Variants in DRC8 observed in about 807,000 individuals in gnomAD.
The protein encoded by DRC8 is dynein regulatory complex subunit 8.
chr1:245,112,349 CA>C, the DRC8 span, among the ~76,000 whole-genome samples: 7 of 152,340 alleles, frequency 4.6e-5, no homozygotes, highest in African/African-American at 1.4e-4. Flanking sequence ...GCTGGGATTA[CA>C]GGTGTGAGCT....
chr1:244,991,901 A>G, the DRC8 span, among the ~76,000 whole-genome samples: 1 of 152,194 alleles, frequency 6.6e-6, no homozygotes, highest in Non-Finnish European at 1.5e-5. Flanking sequence ...AGCTGTTACA[A>G]TTGACTGTCT....
the DRC8 span, among the ~76,000 whole-genome samples, chr1:245,115,613 G>C: frequency 1.3e-5 from 2 of 152,144 alleles, no homozygotes; most frequent in Non-Finnish European, 2.9e-5. Flanking sequence ...CCTTGAGCAT[G>C]GCACACCAAA....
chr1:245,047,486 T>C, the DRC8 span, among the ~76,000 whole-genome samples: 18 of 151,608 alleles, frequency 1.2e-4, no homozygotes, highest in Non-Finnish European at 5.9e-5. Flanking sequence ...AATACAAAAC[T>C]TAGCCAGGCG....
the DRC8 span, among the ~76,000 whole-genome samples, chr1:244,997,317 T>G: frequency 2.0e-5 from 3 of 149,886 alleles, 1 homozygote; most frequent in Non-Finnish European, 4.5e-5. Flanking sequence ...ACTCTTTTTA[T>G]AGACTACCCC....
chr1:245,091,662 A>C, the DRC8 span: 1 of 152,212 alleles, frequency 6.6e-6, no homozygotes, highest in African/African-American at 2.4e-5. Flanking sequence ...TGTGGAATGT[A>C]ATTCATTTTT....
At chr1:245,053,993 A>G in the DRC8 span, among the ~76,000 whole-genome samples, 1 of 152,136 alleles carries the variant, frequency 6.6e-6, no homozygotes, top group Non-Finnish European at 1.5e-5. Context: ...CACCCAGTGA[A>G]CAACGCCCGC....
chr1:245,032,615 C>T, the DRC8 span, among the ~76,000 whole-genome samples: 1 of 152,108 alleles, frequency 6.6e-6, no homozygotes, highest in African/African-American at 2.4e-5. Flanking sequence ...TTACTGATGA[C>T]AAAATGTATT....
the DRC8 span, among the ~76,000 whole-genome samples, chr1:245,031,824 A>T: frequency 3.3e-5 from 5 of 152,130 alleles, 1 homozygote; most frequent in Admixed American, 2.6e-4. Context: ...GAGAGCGACC[A>T]TCGCTTTGCT....
the DRC8 span, among the ~76,000 whole-genome samples, chr1:245,067,680 G>T: frequency 6.6e-6 from 1 of 151,956 alleles, no homozygotes; most frequent in Non-Finnish European, 1.5e-5. Context: ...CAAGATCCAC[G>T]TAATCTACAC....
At chr1:245,060,216 A>G in the DRC8 span, among the ~76,000 whole-genome samples, 2 of 152,220 alleles carry the variant, frequency 1.3e-5, no homozygotes, top group African/African-American at 4.8e-5. Context: ...TGCTTGTTCA[A>G]CATTAAGTTG....
chr1:245,017,738 G>A, the DRC8 span, among the ~76,000 whole-genome samples: 469 of 152,204 alleles, frequency 3.1e-3, 3 homozygotes, highest in African/African-American at 0.011. Flanking sequence ...ATGCTTATGC[G>A]ATGACACACT....
At chr1:245,040,975 C>A in the DRC8 span, among the ~76,000 whole-genome samples, 1 of 152,124 alleles carries the variant, frequency 6.6e-6, no homozygotes, top group Non-Finnish European at 1.5e-5. Context: ...AAATGCTACA[C>A]TGTAAATAAA....
At chr1:245,093,029 T>C in the DRC8 span, among the ~76,000 whole-genome samples, 1 of 152,086 alleles carries the variant, frequency 6.6e-6, no homozygotes, top group African/African-American at 2.4e-5. Flanking sequence ...CACAAATAAT[T>C]ATTTACAGAA....
chr1:245,028,403 C>G, the DRC8 span, among the ~76,000 whole-genome samples: 2 of 152,268 alleles, frequency 1.3e-5, no homozygotes, highest in East Asian at 3.9e-4. Context: ...TGGAACTTTT[C>G]AAAGATCTTA....
chr1:245,012,648 T>C, the DRC8 span, among the ~76,000 whole-genome samples: 6 of 152,208 alleles, frequency 3.9e-5, no homozygotes, highest in Middle Eastern at 3.4e-3. Context: ...GAGGATTGTG[T>C]GTGACTTACA....
the DRC8 span, among the ~76,000 whole-genome samples, chr1:245,064,184 T>G: frequency 6.6e-6 from 1 of 152,182 alleles, no homozygotes; most frequent in African/African-American, 2.4e-5. Context: ...CTAAACTCAC[T>G]AGGGCCTACC....
the DRC8 span, chr1:244,970,888 C>A: frequency 3.4e-5 from 7 of 205,764 alleles, no homozygotes; most frequent in South Asian, 6.4e-4. Context: ...GCGGGGAAGC[C>A]GCCGCCGCCT....
chr1:245,082,058 G>T, the DRC8 span: 2 of 1,553,492 alleles, frequency 1.3e-6, no homozygotes, highest in South Asian at 2.2e-5. Context: ...ATGACTAAAT[G>T]GCTATTTACT....
At chr1:245,101,164 C>G in the DRC8 span, among the ~76,000 whole-genome samples, 1 of 152,222 alleles carries the variant, frequency 6.6e-6, no homozygotes, top group Non-Finnish European at 1.5e-5. Flanking sequence ...GGATTACAGG[C>G]ATGAGCCACG....
Sources: allele counts gnomAD v4.1 joint callset (sites outside exome capture counted in the v4.1 genomes callset), GRCh38; gene constraint gnomAD v4.1.1; transcripts MANE v1.5; gene names NCBI Gene and HGNC (gene_info 2026-07-23, HGNC 2026-07-21).